Variants in TNRC18 observed in about 807,000 individuals in gnomAD.
TNRC18 encodes trinucleotide repeat containing 18.
Under a neutral mutation model 226.7 loss-of-function variants are expected in TNRC18, and 69 were observed. The ratio of observed to expected loss-of-function variants is 0.30; its 90% CI spans 0.25 to 0.37. The LOEUF is 0.37. Among genes scored for constraint, TNRC18 ranks in the 10% least tolerant of loss-of-function variants. TNRC18 has a pLI of 1.00. For synonymous variants in TNRC18, 2,449 were observed against 1,927.6 expected, an observed-to-expected ratio of 1.27 and a Z score of -7.09; for missense variants, 4,754 against 4,256.6, an observed-to-expected ratio of 1.12 and a Z score of -3.25.
chr7:5,405,394 C>T (rs1007119111), intron 2 of TNRC18, among the ~76,000 whole-genome samples: 7 of 152,088 alleles, frequency 4.6e-5, no homozygotes, highest in Non-Finnish European at 7.4e-5. Flanking sequence ...CATGGTAAAA[C>T]CCTGTCTCTA....
At chr7:5,398,202 C>G (rs1018139361) in intron 2 of TNRC18, among the ~76,000 whole-genome samples, 27 of 151,770 alleles carry the variant, frequency 1.8e-4, no homozygotes, top group African/African-American at 6.3e-4. Context: ...GGGAGTTTCG[C>G]TCTTGTTGCC....
intron 2 of TNRC18, among the ~76,000 whole-genome samples, chr7:5,403,913 G>GT (rs1781285815): frequency 1.3e-5 from 2 of 152,118 alleles, no homozygotes; most frequent in Admixed American, 1.3e-4. Flanking sequence ...ACACTGACAG[G>GT]TAACATAGGT....
intron 5 of TNRC18, among the ~76,000 whole-genome samples, chr7:5,385,366 T>G: frequency 6.6e-6 from 1 of 151,834 alleles, no homozygotes; most frequent in East Asian, 1.9e-4. Flanking sequence ...CGGGCGCCTG[T>G]AGTCCCAGCT....
At chr7:5,334,928 C>A (rs935843550) in intron 18 of TNRC18, among the ~76,000 whole-genome samples, 8 of 152,142 alleles carry the variant, frequency 5.3e-5, no homozygotes, top group African/African-American at 1.9e-4. Flanking sequence ...GTGGGGCCCA[C>A]ATAGAAAAGA....
chr7:5,421,432 G>A lies in TNRC18; in HGVS notation c.-186C>T. On this transcript the variant is annotated 5_prime_UTR_variant, in exon 2 of 30. Transcript: ENST00000430969. ...CGCGGCCCGGGGCGCACAGGCGGCC[G>A]GCGGTGGGGCCCCTCCGGGCGGCCA... 2 of 299,202 alleles carry A rather than the reference G, an allele frequency of 6.7e-6. No individual in the cohort carries two copies. Among genetic ancestry groups the A allele is most frequent in the Non-Finnish European group, 9.8e-6 (2 of 203,546 alleles). The allele number at this position is 299,202 out of a possible 1,614,324, so 18.5% of individuals were successfully genotyped here.
rs1165712072 is a variant in TNRC18, at chr7:5,312,471, C to A, written c.8388+32G>T. 2.6e-5 allele frequency: 42 copies of A among 1,603,498 alleles called. No individual in the cohort carries two copies. Among genetic ancestry groups the A allele is most frequent in the Non-Finnish European group, 3.0e-5 (35 of 1,176,952 alleles). ...GCAGAGAGACACAAGGCCCCCGGCC[C>A]CTCGGCCGTGCCCGGGCGCGAGCTT... On this transcript the variant is annotated intron_variant, in intron 27 of 29. Transcript: ENST00000430969. This position sits in a 1 kb window ranked among gnomAD's most constrained non-coding sequence, Gnocchi z 6.3.
chr7:5,398,918 C>A (rs923225751), intron 2 of TNRC18, among the ~76,000 whole-genome samples: 1 of 152,212 alleles, frequency 6.6e-6, no homozygotes, highest in Non-Finnish European at 1.5e-5. Flanking sequence ...GCCACCCTGT[C>A]CAGCCATAAA....
intron 2 of TNRC18, among the ~76,000 whole-genome samples, chr7:5,405,355 G>A (rs1781394544): frequency 1.3e-5 from 2 of 152,164 alleles, no homozygotes; most frequent in Admixed American, 1.3e-4. Context: ...GATCACTTGA[G>A]GTCAGGAGTT....
At chr7:5,363,716 C>T (rs1385727025) in intron 11 of TNRC18, among the ~76,000 whole-genome samples, 1 of 152,080 alleles carries the variant, frequency 6.6e-6, no homozygotes, top group African/African-American at 2.4e-5. Flanking sequence ...AGAGGGAGGG[C>T]CTCCAAAGAC....
intron 3 of TNRC18, among the ~76,000 whole-genome samples, chr7:5,393,556 G>C (rs956655514): frequency 6.6e-6 from 1 of 152,156 alleles, no homozygotes; most frequent in Non-Finnish European, 1.5e-5. Context: ...GCCTGCAGCA[G>C]GAGCTCCAGG....
chr7:5,328,263 C>CT (rs1292932461), intron 19 of TNRC18, among the ~76,000 whole-genome samples: 2 of 152,102 alleles, frequency 1.3e-5, no homozygotes, highest in Admixed American at 6.6e-5. Flanking sequence ...TGGCTCACGC[C>CT]TGTAATCCCA....
chr7:5,339,505 G>C (rs942845352), intron 18 of TNRC18, among the ~76,000 whole-genome samples: 3 of 151,746 alleles, frequency 2.0e-5, no homozygotes, highest in Non-Finnish European at 4.4e-5. Flanking sequence ...CTCCCAAAGT[G>C]CTGGGATTAC....
intron 2 of TNRC18, among the ~76,000 whole-genome samples, chr7:5,409,247 AG>A (rs1328180445): frequency 1.3e-5 from 2 of 149,188 alleles, no homozygotes; most frequent in African/African-American, 5.2e-5. Flanking sequence ...AAAGACTCAG[AG>A]AAAACAAAGA....
chr7:5,360,769 C>T (rs1307257577), intron 14 of TNRC18, among the ~76,000 whole-genome samples: 2 of 152,148 alleles, frequency 1.3e-5, no homozygotes, highest in African/African-American at 4.8e-5. Context: ...ATCCTCTCTT[C>T]GGTCAGAAAC....
rs1297462597 is a variant in TNRC18 at position 5,387,703 on chromosome 7, C to T, written c.2121G>A (p.Gln707=). The T allele has an allele frequency of 1.2e-6, 2 of 1,605,484 alleles. No homozygotes were observed. The highest frequency in any genetic ancestry group is 1.6e-4 in the Middle Eastern group (1 of 6,084). The change falls in exon 5 of 30, where the codon CAG becomes CAA. Residue 707 remains glutamine, a synonymous_variant. Coordinates refer to ENST00000430969, the MANE Select transcript of TNRC18 (RefSeq NM_001080495.3). ...SGRLGPGLVD[Q]ERSLSLSNVK... The stretch of plus-strand genomic sequence containing the variant: ...CGTTACTCAGCGACAGAGAGCGCTC[C>T]TGGTCTACCAGCCCAGGCCCCAGCC...
intron 9 of TNRC18, among the ~76,000 whole-genome samples, chr7:5,374,842 G>A (rs1030397930): frequency 2.0e-5 from 3 of 152,226 alleles, no homozygotes; most frequent in Non-Finnish European, 4.4e-5. Flanking sequence ...CACCTCGATG[G>A]CATTGGGCGC....
intron 8 of TNRC18, among the ~76,000 whole-genome samples, 182 bp from the exon 9 acceptor site, chr7:5,376,406 T>C (rs1377940890): frequency 6.6e-6 from 1 of 152,168 alleles, no homozygotes; most frequent in South Asian, 2.1e-4. Context: ...GGGCCACGTG[T>C]GCACCCCAGG....
In TNRC18 at chr7:5,361,630, G is replaced by A; in HGVS notation, c.4625C>T (p.Pro1542Leu). The A allele has an allele frequency of 9.7e-6, 15 of 1,547,490 alleles. No individual in the cohort carries two copies. The highest frequency in any genetic ancestry group is 1.2e-5 in the Non-Finnish European group (14 of 1,147,750). Residue 1542 changes from proline to leucine, a missense_variant, in exon 14 of 30, where the codon CCC becomes CTC. Pro to Leu is a moderately conservative substitution (Grantham distance 98). Transcript: ENST00000430969. Reference sequence around the variant, plus strand: ...GTGGCCGCTCTTCCCTCTCTTGCGGGGGGGCGACAGGGCGCTCGGGGCGTG... The same window carrying A: ...GTGGCCGCTCTTCCCTCTCTTGCGGAGGGGCGACAGGGCGCTCGGGGCGTG... ...RTHAPSALSP[P>L]RKRGKSGHSS...
chr7:5,399,834 G>A (rs961965824), intron 2 of TNRC18, among the ~76,000 whole-genome samples: 1 of 151,956 alleles, frequency 6.6e-6, no homozygotes, highest in Non-Finnish European at 1.5e-5. Flanking sequence ...AGACCAGCCT[G>A]GCCAACATGG....
Sources: allele counts gnomAD v4.1 joint callset (sites outside exome capture counted in the v4.1 genomes callset), GRCh38; gene constraint gnomAD v4.1.1; non-coding constraint Gnocchi (gnomAD v3.1); transcripts MANE v1.5; gene names NCBI Gene and HGNC (gene_info 2026-07-23, HGNC 2026-07-21).